The following FGGY variants were observed in gnomAD, a reference collection of about 807,000 sequenced individuals.
The protein encoded by FGGY is FGGY carbohydrate kinase domain containing, also known as FGGY carbohydrate kinase domain-containing protein.
In FGGY, 72 loss-of-function variants were observed where a neutral mutation model predicts 71.3. That is an observed-to-expected ratio of 1.01 (90% confidence interval 0.84 to 1.23). The LOEUF is 1.23. Among genes scored for constraint, FGGY ranks in the 50% most tolerant of loss-of-function variants. The pLI is 0.00. For synonymous variants in FGGY, 251 were observed against 250.3 expected, an observed-to-expected ratio of 1.00 and a Z score of -0.02; for missense variants, 668 against 682.3, an observed-to-expected ratio of 0.98 and a Z score of 0.23.
intron 7 of FGGY, among the ~76,000 whole-genome samples, chr1:59,538,856 GA>G (rs1306141838): frequency 9.4e-6 from 1 of 105,962 alleles, no homozygotes; most frequent in Non-Finnish European, 1.8e-5. Flanking sequence ...GGGGTGGGGG[GA>G]GGGGGGAGGG....
intron 7 of FGGY, among the ~76,000 whole-genome samples, chr1:59,523,352 G>A (rs561703406): frequency 6.6e-6 from 1 of 152,228 alleles, no homozygotes; most frequent in Non-Finnish European, 1.5e-5. Flanking sequence ...ATCAGCAGCT[G>A]ATGGTGGGAA....
chr1:59,447,869 A>T (rs570405323), intron 5 of FGGY, among the ~76,000 whole-genome samples: 1 of 152,300 alleles, frequency 6.6e-6, no homozygotes, highest in African/African-American at 2.4e-5. Context: ...ATGGACTAAT[A>T]CATTGGACCT....
At chr1:59,668,905 T>C (rs2097349536) in intron 13 of FGGY, among the ~76,000 whole-genome samples, 1 of 149,682 alleles carries the variant, frequency 6.7e-6, no homozygotes, top group Non-Finnish European at 1.5e-5. Flanking sequence ...GCAGGAGAAT[T>C]GCTTGAACCT....
chr1:59,383,503 C>T (rs1053053626), intron 5 of FGGY, among the ~76,000 whole-genome samples: 1 of 152,154 alleles, frequency 6.6e-6, no homozygotes, highest in Non-Finnish European at 1.5e-5. Context: ...ACCTGAAAAA[C>T]CAGTTCAGGC....
At chr1:59,438,456 T>G (rs758132828) in intron 5 of FGGY, among the ~76,000 whole-genome samples, 16 of 152,360 alleles carry the variant, frequency 1.1e-4, no homozygotes, top group Non-Finnish European at 2.1e-4. Flanking sequence ...TTTTTTAAAA[T>G]GGCTAATGTT....
rs1371843420 is a variant in FGGY at position 59,701,212 on chromosome 1, T to C, written c.1512+27079T>C. 2.6e-5 allele frequency among the ~76,000 whole-genome samples: 4 copies of C among 152,204 alleles called. No homozygotes were observed. The East Asian group carries it at 7.7e-4, about 29-fold the overall frequency. ...ATATACCCATAGCCCCACACATTTT[T>C]ATCTTGCAAAGTCAGTTAAGATGAA... is the stretch of plus-strand genomic sequence containing the variant. On this transcript the variant is annotated intron_variant, in intron 14 of 15. Transcript: ENST00000303721.
intron 14 of FGGY, among the ~76,000 whole-genome samples, chr1:59,687,468 ATTTCT>A (rs2097553038): frequency 6.7e-6 from 1 of 150,024 alleles, no homozygotes; most frequent in Non-Finnish European, 1.5e-5. Flanking sequence ...AATGAAACTA[ATTTCT>A]TTTTTTTTTT....
intron 2 of FGGY, among the ~76,000 whole-genome samples, chr1:59,324,925 T>A (rs887894192): frequency 1.3e-5 from 2 of 152,202 alleles, no homozygotes; most frequent in Non-Finnish European, 2.9e-5. Flanking sequence ...TTATCTGTAT[T>A]TCTCTAGAAT....
At chr1:59,394,681 T>A (rs1259128986) in intron 5 of FGGY, among the ~76,000 whole-genome samples, 1 of 152,192 alleles carries the variant, frequency 6.6e-6, no homozygotes. Context: ...ATTCACCTTC[T>A]GGAGGGAATA....
intron 14 of FGGY, among the ~76,000 whole-genome samples, chr1:59,674,517 C>A (rs2153980458): frequency 6.6e-6 from 1 of 152,074 alleles, no homozygotes; most frequent in Non-Finnish European, 1.5e-5. Context: ...TTTCTAAATA[C>A]CTTGAAGGCC....
At chr1:59,466,985 A>C (rs1380522502) in intron 6 of FGGY, among the ~76,000 whole-genome samples, 1 of 152,144 alleles carries the variant, frequency 6.6e-6, no homozygotes, top group Non-Finnish European at 1.5e-5. Context: ...CATTTGACCC[A>C]GCGATTCCAT....
chr1:59,630,347 G>A lies in FGGY; in HGVS notation c.1073+4298G>A, dbSNP rs980301347. On this transcript the variant is annotated intron_variant, in intron 10 of 15. Coordinates refer to ENST00000303721, the MANE Select transcript of FGGY (RefSeq NM_018291.5). ...AAGAGGAGGAAGTTTGGTGGTGGTT[G>A]CTATGGGTTCAAGCAGCATACGTCA... Among the ~76,000 whole-genome samples the A allele has an allele frequency of 3.3e-5, 5 of 152,108 alleles. No individual in the cohort carries two copies. The East Asian group carries it at 5.8e-4, about 18-fold the overall frequency.
intron 9 of FGGY, among the ~76,000 whole-genome samples, chr1:59,615,582 A>G (rs1485333832): frequency 1.3e-5 from 2 of 152,218 alleles, no homozygotes; most frequent in Non-Finnish European, 2.9e-5. Context: ...GGACATAGGC[A>G]TGGGCAAGGA....
At chr1:59,303,349 T>A (rs2043040477) in intron 1 of FGGY, among the ~76,000 whole-genome samples, 1 of 152,134 alleles carries the variant, frequency 6.6e-6, no homozygotes, top group South Asian at 2.1e-4. Flanking sequence ...ATAAGGAATA[T>A]CATGCAGTGT....
At chr1:59,546,590 C>T (rs952824733) in intron 7 of FGGY, among the ~76,000 whole-genome samples, 6 of 151,770 alleles carry the variant, frequency 4.0e-5, no homozygotes, top group African/African-American at 9.7e-5. Context: ...AGTGCAATGG[C>T]GCGATCTCGG....
At chr1:59,409,904 A>C (rs1276363292) in intron 5 of FGGY, among the ~76,000 whole-genome samples, 1 of 152,198 alleles carries the variant, frequency 6.6e-6, no homozygotes, top group Non-Finnish European at 1.5e-5. Flanking sequence ...CATGTGAAGA[A>C]GGTGTATTAC....
chr1:59,752,543 A>G (rs1266687557), intron 14 of FGGY, among the ~76,000 whole-genome samples: 1 of 152,144 alleles, frequency 6.6e-6, no homozygotes, highest in African/African-American at 2.4e-5. Context: ...TCTGCTCCCA[A>G]AATTGCCAAC....
At chr1:59,521,633 AT>A (rs1226798931) in intron 7 of FGGY, among the ~76,000 whole-genome samples, 1 of 152,188 alleles carries the variant, frequency 6.6e-6, no homozygotes, top group Non-Finnish European at 1.5e-5. Flanking sequence ...TGTATACCAA[AT>A]TCTTCAATTT....
intron 11 of FGGY, among the ~76,000 whole-genome samples, chr1:59,648,738 A>G (rs1248017825): frequency 1.3e-5 from 2 of 151,272 alleles, no homozygotes; most frequent in Admixed American, 6.6e-5. Flanking sequence ...TGCTGTGCAG[A>G]AGCTCTTTAG....
Sources: gnomAD v4.1 joint callset for allele counts (sites outside exome capture counted in the v4.1 genomes callset) on GRCh38, gnomAD v4.1.1 for gene constraint, MANE v1.5 for transcripts, NCBI Gene and HGNC (gene_info 2026-07-23, HGNC 2026-07-21) for gene names.